Variants in GRM7 observed in about 807,000 individuals in gnomAD.
The protein encoded by GRM7 is glutamate metabotropic receptor 7, also known as metabotropic glutamate receptor 7.
GRM7 carries 35 observed loss-of-function variants against 84.5 expected under a neutral mutation model. That is an observed-to-expected ratio of 0.41 (90% CI 0.32 to 0.55). The LOEUF (loss-of-function observed/expected upper bound fraction) is 0.55, where lower values mean the gene tolerates loss of function less well. GRM7 is among the 20% of genes least tolerant of loss of function. The probability of loss-of-function intolerance (pLI) is 0.19; values close to 1 mark genes in which losing one functional copy is unlikely to be tolerated. For missense variants in GRM7, 1,003 were observed against 1,194.6 expected (o/e 0.84, Z 2.36); for synonymous variants, 487 against 455.1 (o/e 1.07, Z -0.89).
intron 2 of GRM7, among the ~76,000 whole-genome samples, chr3:7,260,707 C>G (rs1018221739): frequency 8.4e-4 from 41 of 49,014 alleles, no homozygotes; most frequent in East Asian, 3.1e-3. Context: ...GTGTGTGTGT[C>G]TCAGTCTCAT....
At chr3:7,532,375 C>A (rs1299055143) in intron 7 of GRM7, among the ~76,000 whole-genome samples, 10 of 152,048 alleles carry the variant, frequency 6.6e-5, no homozygotes, top group Admixed American at 3.3e-4. Context: ...AGGAATTTAT[C>A]CATTTCTTCT....
intron 1 of GRM7, among the ~76,000 whole-genome samples, chr3:6,968,532 G>A (rs1693617740): frequency 6.6e-6 from 1 of 151,956 alleles, no homozygotes. Flanking sequence ...GAATGAAGTG[G>A]GATCATTTAC....
chr3:7,197,701 T>C (rs1329311652), intron 2 of GRM7, among the ~76,000 whole-genome samples: 1 of 56,408 alleles, frequency 1.8e-5, no homozygotes, highest in Non-Finnish European at 3.2e-5. Flanking sequence ...TACGACAAGT[T>C]TTTTTTTTTT....
chr3:7,592,246 CTG>C (rs1475190364), intron 8 of GRM7, among the ~76,000 whole-genome samples: 2 of 151,724 alleles, frequency 1.3e-5, no homozygotes, highest in Non-Finnish European at 2.9e-5. Context: ...GAATATCAGA[CTG>C]TGGCAAATAT....
intron 9 of GRM7, among the ~76,000 whole-genome samples, chr3:7,719,879 G>T (rs1392493109): frequency 6.6e-6 from 1 of 151,584 alleles, no homozygotes; most frequent in Non-Finnish European, 1.5e-5. Context: ...ACTTCCAGTT[G>T]AGTTTTTATA....
rs572632747 is a variant in GRM7 at position 7,358,404 on chromosome 3, A to G, written c.1033+51752A>G. The stretch of plus-strand genomic sequence containing the variant: ...TTGACAAATAACAAACATTCATAAA[A>G]GTTGACAAAATTAAACGGTCATGTG... On this transcript the variant is annotated intron_variant, in intron 4 of 9. Coordinates refer to ENST00000357716, the MANE Select transcript of GRM7 (RefSeq NM_000844.4). Among the ~76,000 whole-genome samples the G allele has an allele frequency of 5.5e-4, 69 of 125,278 alleles. 5 individuals are homozygous for G. The highest frequency in any genetic ancestry group is 8.0e-3 in the Middle Eastern group (2 of 250). 82.2% of individuals were successfully genotyped at this position (125,278 alleles called of 152,430 possible). A position where few individuals can be genotyped will look rare whatever the true frequency, so the allele number is the denominator to read the frequency against.
intron 7 of GRM7, among the ~76,000 whole-genome samples, chr3:7,472,936 A>C (rs1241817892): frequency 6.6e-6 from 1 of 152,206 alleles, no homozygotes; most frequent in Non-Finnish European, 1.5e-5. Context: ...GCATACGTGC[A>C]GACCGTTTCC....
chr3:7,261,464 C>G (rs1172862129), intron 2 of GRM7, among the ~76,000 whole-genome samples: 2 of 152,124 alleles, frequency 1.3e-5, no homozygotes, highest in Non-Finnish European at 2.9e-5. Context: ...TTCTCCATCC[C>G]TTTACTCTCA....
chr3:7,538,131 C>T (rs564053933), intron 7 of GRM7, among the ~76,000 whole-genome samples: 22 of 152,094 alleles, frequency 1.4e-4, no homozygotes, highest in Non-Finnish European at 2.8e-4. Flanking sequence ...TTTTTTGAGA[C>T]GAAGTTTCAG....
chr3:7,273,177 T>C (rs1698929982), intron 2 of GRM7, among the ~76,000 whole-genome samples: 1 of 152,154 alleles, frequency 6.6e-6, no homozygotes, highest in Non-Finnish European at 1.5e-5. Flanking sequence ...TGTTATTGAT[T>C]TCAAGTTTGA....
At chr3:7,443,858 T>C (rs1312845127) in intron 5 of GRM7, among the ~76,000 whole-genome samples, 1 of 152,228 alleles carries the variant, frequency 6.6e-6, no homozygotes, top group Non-Finnish European at 1.5e-5. Flanking sequence ...CATTTTCCTT[T>C]CTACTCTGAA....
intron 9 of GRM7, among the ~76,000 whole-genome samples, chr3:7,702,457 T>C (rs1199143858): frequency 1.3e-5 from 2 of 152,222 alleles, no homozygotes; most frequent in Non-Finnish European, 2.9e-5. Context: ...CTATGGCAGA[T>C]ATGAGTCCAC....
intron 1 of GRM7, among the ~76,000 whole-genome samples, chr3:6,956,863 C>G (rs988310088): frequency 6.6e-6 from 1 of 152,110 alleles, no homozygotes; most frequent in African/African-American, 2.4e-5. Context: ...TTTTAAATTA[C>G]AATTTACAAC....
At chr3:7,673,689 G>A (rs1700020109) in intron 8 of GRM7, among the ~76,000 whole-genome samples, 1 of 152,178 alleles carries the variant, frequency 6.6e-6, no homozygotes. Flanking sequence ...GCAGGAGGTT[G>A]ATTGTAAAAC....
intron 4 of GRM7, among the ~76,000 whole-genome samples, chr3:7,335,965 C>G (rs1307912965): frequency 1.3e-5 from 2 of 151,978 alleles, no homozygotes; most frequent in Admixed American, 6.6e-5. Context: ...TGAATTCTAT[C>G]AGACATTCAA....
chr3:7,130,923 G>A (rs1693573817), intron 1 of GRM7, among the ~76,000 whole-genome samples: 1 of 151,880 alleles, frequency 6.6e-6, no homozygotes, highest in Non-Finnish European at 1.5e-5. Context: ...TTTACAGGAG[G>A]TATTTCTTCA....
chr3:7,301,413 T>C (rs1042934331), intron 3 of GRM7, among the ~76,000 whole-genome samples: 1 of 152,312 alleles, frequency 6.6e-6, no homozygotes, highest in East Asian at 1.9e-4. Context: ...CTAATACCCT[T>C]CTTATTCATC....
In GRM7 at chr3:7,441,246, G is replaced by A. The variant is rs188623352; in HGVS notation, c.1175-11361G>A. On this transcript the variant is annotated intron_variant, in intron 5 of 9. Transcript: ENST00000357716. ...CATTTCTCTAATGATTAGTGATGTTGAGCATTTTTTTCATGTGTTTTGGTC... is the reference window on the plus strand; with the variant it reads ...CATTTCTCTAATGATTAGTGATGTTAAGCATTTTTTTCATGTGTTTTGGTC... 4.1e-3 allele frequency among the ~76,000 whole-genome samples: 628 copies of A among 152,178 alleles called. 1 individual carries two copies. Among genetic ancestry groups the A allele is most frequent in the African/African-American group, 0.014 (589 of 41,506 alleles).
At chr3:7,139,227 C>A (rs183656074) in intron 1 of GRM7, among the ~76,000 whole-genome samples, 1 of 151,124 alleles carries the variant, frequency 6.6e-6, no homozygotes, top group Admixed American at 6.6e-5. Context: ...GAGATTTGGA[C>A]GTTTTGTCAT....
Sources: allele counts gnomAD v4.1 joint callset (sites outside exome capture counted in the v4.1 genomes callset), GRCh38; gene constraint gnomAD v4.1.1; transcripts MANE v1.5; gene names NCBI Gene and HGNC (gene_info 2026-07-23, HGNC 2026-07-21).